Variants in FRMPD4 observed in about 807,000 individuals in gnomAD.
FRMPD4 encodes FERM and PDZ domain-containing protein 4.
Under a neutral mutation model 94.1 loss-of-function variants are expected in FRMPD4, and 22 were observed. The observed-to-expected ratio is 0.23, with a 90% CI of 0.17 to 0.33. The LOEUF is 0.33. FRMPD4 is among the 10% of genes least tolerant of loss of function. The pLI, the probability that FRMPD4 is intolerant of heterozygous loss-of-function variation, is 1.00. For missense variants in FRMPD4, 1,111 were observed against 1,339.9 expected (o/e 0.83, Z 2.67); for synonymous variants, 631 against 548.6 (o/e 1.15, Z -2.10).
intron 1 of FRMPD4, among the ~76,000 whole-genome samples, chrX:12,171,223 G>A (rs762551530): frequency 3.6e-5 from 4 of 112,412 alleles, no homozygotes; most frequent in African/African-American, 1.3e-4. Flanking sequence ...TCAAGCAAGT[G>A]GAGGAGCCTA....
chrX:12,582,500 C>T (rs921817690), intron 2 of FRMPD4, among the ~76,000 whole-genome samples: 8 of 111,365 alleles, frequency 7.2e-5, no homozygotes, highest in African/African-American at 1.6e-4. Context: ...TAGGAAATTT[C>T]GCTGGCAAAC....
rs993361696 is a variant in FRMPD4, at chrX:12,494,460, G to T, written c.42-4220G>T. Among the ~76,000 whole-genome samples the T allele has an allele frequency of 3.6e-5, 4 of 111,955 alleles. No individual in the cohort carries two copies. The South Asian group carries it at 1.5e-3, about 42-fold the overall frequency. ...GAGAGTTTAGAGTAAATTGCACAGG[G>T]TCACAAATCTAGTAAGTGGCAGAAT... On this transcript the variant is annotated intron_variant, in intron 1 of 16. Transcript: ENST00000675598.
At chrX:12,332,437 C>T (rs1485598123) in intron 1 of FRMPD4, among the ~76,000 whole-genome samples, 1 of 109,041 alleles carries the variant, frequency 9.2e-6, no homozygotes, top group Non-Finnish European at 1.9e-5. Context: ...AATACAGAAA[C>T]TGTAGCCTCA....
rs749269384 is a variant in FRMPD4, at chrX:12,560,742, C to CTTTTTTTT, written c.159-48941_159-48934dup. Among the ~76,000 whole-genome samples the CTTTTTTTT allele has an allele frequency of 3.9e-4, 17 of 43,451 alleles. 1 individual carries two copies. The highest frequency in any genetic ancestry group is 6.8e-4 in the Non-Finnish European group (16 of 23,496). The allele number at this position is 43,451 out of a possible 115,157, so 37.7% of individuals were successfully genotyped here. On this transcript the variant is annotated intron_variant, in intron 2 of 16. Transcript: ENST00000675598. Reference sequence around the variant, plus strand: ...CCCTAGTGTATGCACCTCCCCTCATCTTTTTTTTTTTTTTTTTTTTTTTTT... The same window carrying CTTTTTTTT: ...CCCTAGTGTATGCACCTCCCCTCATCTTTTTTTTTTTTTTTTTTTTTTTTTTTTTTTTT...
intron 3 of FRMPD4, among the ~76,000 whole-genome samples, chrX:12,084,368 T>G (rs1035791814): frequency 3.6e-5 from 4 of 111,524 alleles, no homozygotes; most frequent in African/African-American, 1.3e-4. Context: ...TCCCCAGCCA[T>G]GTGGAACTGT....
chrX:12,351,902 G>A lies in FRMPD4; in HGVS notation c.42-146778G>A, dbSNP rs544230162. On this transcript the variant is annotated intron_variant, in intron 1 of 16. Coordinates refer to ENST00000675598, the MANE Select transcript of FRMPD4 (RefSeq NM_001368397.1). ...CAAATTACTTAGTCATTAAATTGTC[G>A]ATGGACATTTGAGTCATTTCCAATG... is the stretch of plus-strand genomic sequence containing the variant. 6.2e-5 allele frequency among the ~76,000 whole-genome samples: 7 copies of A among 112,467 alleles called. No individual in the cohort carries two copies. In the South Asian group the frequency reaches 2.2e-3, roughly 35 times the overall value.
chrX:12,001,772 C>T lies in FRMPD4; in HGVS notation c.95+123754C>T, dbSNP rs771555245. ...TTTATCTTTGTAATTAAATGAGACT[C>T]GGAATTCTTCCCTATAAATGAATTC... is the stretch of plus-strand genomic sequence containing the variant. On this transcript the variant is annotated intron_variant, in intron 3 of 18. Coordinates refer to the FRMPD4 transcript ENST00000640291. Among the ~76,000 whole-genome samples, 16 of 112,085 alleles carry T rather than the reference C, an allele frequency of 1.4e-4. No individual in the cohort carries two copies. In the Middle Eastern group the frequency reaches 0.014, roughly 97 times the overall value.
Position 12,258,045 on chromosome X carries a change from T to C in FRMPD4, c.41+119033T>C, listed in dbSNP as rs139366171. On this transcript the variant is annotated intron_variant, in intron 1 of 16. Coordinates refer to ENST00000675598, the MANE Select transcript of FRMPD4 (RefSeq NM_001368397.1). ...CTTCCTTTCATTTTTTATTCTTTGT[T>C]CTACCTCCCACTCCTCCCCACCAAG... Among the ~76,000 whole-genome samples the C allele has an allele frequency of 1.4e-3, 158 of 111,013 alleles. 1 individual carries two copies. In the East Asian group the frequency reaches 0.015, roughly 10 times the overall value.
intron 1 of FRMPD4, among the ~76,000 whole-genome samples, chrX:12,413,265 C>G (rs1410553221): frequency 8.9e-6 from 1 of 111,790 alleles, no homozygotes; most frequent in Non-Finnish European, 1.9e-5. Context: ...TATACTATTC[C>G]CAGAATTTCC....
chrX:11,968,525 G>A (rs113690424), intron 3 of FRMPD4, among the ~76,000 whole-genome samples: 4,823 of 111,196 alleles, frequency 0.043, 184 homozygotes, highest in East Asian at 0.24. Flanking sequence ...TAGCATTTTC[G>A]CTTAGCACTC....
chrX:12,338,422 G>A (rs975073555), intron 1 of FRMPD4, among the ~76,000 whole-genome samples: 12 of 112,208 alleles, frequency 1.1e-4, no homozygotes, highest in African/African-American at 3.9e-4. Flanking sequence ...AACACTGATG[G>A]AGCAGCCATT....
At chrX:12,683,726 A>C in intron 6 of FRMPD4, 139 bp downstream of exon 6, 120 of 417,252 alleles carry the variant, frequency 2.9e-4, no homozygotes, top group East Asian at 5.7e-4. Flanking sequence ...GTCAAATCTC[A>C]AGGTTGTAAA....
chrX:12,412,402 C>G (rs958337259), intron 1 of FRMPD4, among the ~76,000 whole-genome samples: 2 of 112,189 alleles, frequency 1.8e-5, no homozygotes, highest in African/African-American at 6.5e-5. Flanking sequence ...GAGGTTCCCC[C>G]TTGGTAGCCA....
At chrX:12,373,079 C>T (rs1167299129) in intron 1 of FRMPD4, 2 of 112,187 alleles carry the variant, frequency 1.8e-5, no homozygotes, top group Non-Finnish European at 3.8e-5. Context: ...GTATTTTGGT[C>T]TTCATCAGGT....
intron 4 of FRMPD4, among the ~76,000 whole-genome samples, chrX:12,630,388 G>A (rs964325712): frequency 2.7e-5 from 3 of 112,139 alleles, no homozygotes; most frequent in African/African-American, 9.7e-5. Flanking sequence ...TACAGAAATG[G>A]GGATGGGGAG....
intron 14 of FRMPD4, among the ~76,000 whole-genome samples, chrX:12,713,370 T>C (rs1470364527): frequency 9.0e-6 from 1 of 110,928 alleles, no homozygotes; most frequent in East Asian, 2.8e-4. Context: ...AAAACATAGT[T>C]ACAAAAAGTA....
At chrX:11,922,475 C>T (rs759618363) in intron 3 of FRMPD4, among the ~76,000 whole-genome samples, 2 of 111,981 alleles carry the variant, frequency 1.8e-5, no homozygotes, top group Non-Finnish European at 3.8e-5. Context: ...CTGGGGATTA[C>T]AATTCAACAT....
intron 4 of FRMPD4, among the ~76,000 whole-genome samples, chrX:12,657,215 G>A (rs183699232): frequency 1.8e-3 from 197 of 112,124 alleles, no homozygotes; most frequent in African/African-American, 6.0e-3. Flanking sequence ...TGTCCCACAG[G>A]GGTGCAATCA....
intron 1 of FRMPD4, among the ~76,000 whole-genome samples, chrX:12,488,419 T>C (rs1259799665): frequency 8.9e-6 from 1 of 112,051 alleles, no homozygotes; most frequent in Non-Finnish European, 1.9e-5. Flanking sequence ...GATTTGAATT[T>C]TGGAAAGCAG....
Sources: allele counts gnomAD v4.1 joint callset (sites outside exome capture counted in the v4.1 genomes callset), GRCh38; gene constraint gnomAD v4.1.1; transcripts MANE v1.5; gene names NCBI Gene and HGNC (gene_info 2026-07-23, HGNC 2026-07-21).